Variants in SLC9A9 observed in about 807,000 individuals in gnomAD.
The protein encoded by SLC9A9 is sodium/hydrogen exchanger 9.
A neutral mutation model predicts 77.8 loss-of-function variants in SLC9A9; 62 were observed. The ratio of observed to expected loss-of-function variants is 0.80; its 90% CI spans 0.65 to 0.98. SLC9A9 has a LOEUF of 0.98. Ranked by LOEUF, SLC9A9 falls within the 50% of genes least tolerant of loss-of-function variation. The pLI is 0.00. For synonymous variants in SLC9A9, 320 were observed against 283.5 expected (o/e 1.13, Z -1.29); for missense variants, 775 against 774.9 (o/e 1.00, Z 0.00).
At chr3:143,771,226 T>C (rs907283231) in intron 4 of SLC9A9, among the ~76,000 whole-genome samples, 19 of 152,184 alleles carry the variant, frequency 1.2e-4, no homozygotes, top group African/African-American at 2.9e-4. Flanking sequence ...TGGGCCTGAA[T>C]TGTAGGCTGA....
chr3:143,632,098 C>G lies in SLC9A9; in HGVS notation c.755+20157G>C, dbSNP rs116118887. The stretch of plus-strand genomic sequence containing the variant: ...GTGACTGGATTACAGACCTTTAACT[C>G]CTTGTCTCACTTTGAGAGTCAATGG... On this transcript the variant is annotated intron_variant, in intron 6 of 15. Transcript: ENST00000316549. Among the ~76,000 whole-genome samples, 1,160 of 152,254 alleles carry G rather than the reference C, an allele frequency of 7.6e-3. 17 individuals are homozygous for G. Among genetic ancestry groups the G allele is most frequent in the African/African-American group, 0.025 (1,053 of 41,538 alleles).
At chr3:143,375,577 A>T (rs971976194) in intron 13 of SLC9A9, among the ~76,000 whole-genome samples, 6 of 152,146 alleles carry the variant, frequency 3.9e-5, no homozygotes, top group Non-Finnish European at 7.4e-5. Flanking sequence ...GTGCACAGCT[A>T]AGGCACTTAA....
chr3:143,734,817 G>A (rs1255362629), intron 4 of SLC9A9, among the ~76,000 whole-genome samples: 1 of 151,902 alleles, frequency 6.6e-6, no homozygotes. Context: ...TGACAGAGCT[G>A]GGAGGTGAAC....
intron 9 of SLC9A9, among the ~76,000 whole-genome samples, chr3:143,528,406 A>T (rs1268461130): frequency 2.6e-5 from 4 of 152,176 alleles, no homozygotes; most frequent in Non-Finnish European, 5.9e-5. Flanking sequence ...GAGTTTGGAA[A>T]TTTTTTCCTT....
intron 5 of SLC9A9, among the ~76,000 whole-genome samples, chr3:143,661,193 C>CCAAA (rs2038973566): frequency 6.6e-6 from 1 of 152,198 alleles, no homozygotes; most frequent in Non-Finnish European, 1.5e-5. Flanking sequence ...AGTCATAAAG[C>CCAAA]AGCTCTCACC....
intron 13 of SLC9A9, among the ~76,000 whole-genome samples, chr3:143,378,993 G>T (rs2108496237): frequency 1.3e-5 from 2 of 151,610 alleles, no homozygotes; most frequent in Non-Finnish European, 2.9e-5. Flanking sequence ...CCACAGCAGA[G>T]AACAAAGAAG....
intron 9 of SLC9A9, among the ~76,000 whole-genome samples, chr3:143,537,862 C>T (rs1287268118): frequency 6.6e-6 from 1 of 152,184 alleles, no homozygotes; most frequent in African/African-American, 2.4e-5. Flanking sequence ...AGGATGCTGG[C>T]CCTCAGGCTA....
chr3:143,267,696 T>G (rs1356219986), intron 15 of SLC9A9, among the ~76,000 whole-genome samples: 1 of 152,206 alleles, frequency 6.6e-6, no homozygotes, highest in Non-Finnish European at 1.5e-5. Context: ...TCAGCATATT[T>G]CTTGGGAAGA....
In SLC9A9 at chr3:143,441,357, G is replaced by A. The variant is rs1340633410; in HGVS notation, c.1469+25680C>T. On this transcript the variant is annotated intron_variant, in intron 12 of 15. Transcript: ENST00000316549. ...GGAGCTATGCCAGGGAGGGTGGGAA[G>A]TGTACTTATGAATAACGTGGGATCC... Among the ~76,000 whole-genome samples the A allele has an allele frequency of 2.6e-5, 4 of 152,180 alleles. No individual in the cohort carries two copies. In the East Asian group the frequency reaches 7.7e-4, roughly 29 times the overall value.
intron 14 of SLC9A9, among the ~76,000 whole-genome samples, chr3:143,348,825 G>C (rs1434533483): frequency 1.3e-5 from 2 of 152,176 alleles, no homozygotes; most frequent in Non-Finnish European, 2.9e-5. Flanking sequence ...GGGTACGGGG[G>C]AGTTGCTGTT....
intron 6 of SLC9A9, among the ~76,000 whole-genome samples, chr3:143,640,723 T>C (rs572813611): frequency 2.0e-4 from 30 of 152,118 alleles, no homozygotes; most frequent in African/African-American, 7.0e-4. Flanking sequence ...TAGCCTGGTG[T>C]GGTCTGTGGT....
At chr3:143,721,007 G>A (rs1030530922) in intron 4 of SLC9A9, among the ~76,000 whole-genome samples, 3 of 152,132 alleles carry the variant, frequency 2.0e-5, no homozygotes, top group Admixed American at 6.5e-5. Context: ...CCTAGAGTTC[G>A]AGACCAGCCT....
intron 5 of SLC9A9, among the ~76,000 whole-genome samples, chr3:143,691,036 A>G (rs577464375): frequency 1.3e-5 from 2 of 152,284 alleles, no homozygotes; most frequent in South Asian, 4.1e-4. Flanking sequence ...TTTAATGTGC[A>G]TATGAATCTC....
rs921189805 is a variant in SLC9A9 at position 143,685,072 on chromosome 3, A to G, written c.649+8120T>C. On this transcript the variant is annotated intron_variant, in intron 5 of 15. Coordinates refer to ENST00000316549, the MANE Select transcript of SLC9A9 (RefSeq NM_173653.4). ...TATATCTTTATAGCAGTGCTGTCCA[A>G]TAAAAATTTAACTCAAGCCACATAT... 7.2e-5 allele frequency among the ~76,000 whole-genome samples: 11 copies of G among 152,206 alleles called. No homozygotes were observed. The East Asian group carries it at 1.2e-3, about 16-fold the overall frequency.
intron 6 of SLC9A9, among the ~76,000 whole-genome samples, chr3:143,594,889 G>A (rs1353587384): frequency 1.3e-5 from 2 of 152,220 alleles, no homozygotes; most frequent in Non-Finnish European, 2.9e-5. Context: ...AAGGTGGAAT[G>A]TTTGGCTTGT....
intron 9 of SLC9A9, among the ~76,000 whole-genome samples, chr3:143,538,925 G>A (rs1329449615): frequency 6.6e-6 from 1 of 152,178 alleles, no homozygotes; most frequent in Non-Finnish European, 1.5e-5. Flanking sequence ...CCTAACAGAA[G>A]CATTCCTTTA....
At chr3:143,821,170 C>T (rs1326039181) in intron 2 of SLC9A9, among the ~76,000 whole-genome samples, 1 of 152,208 alleles carries the variant, frequency 6.6e-6, no homozygotes, top group Non-Finnish European at 1.5e-5. Context: ...TTAAGCACCA[C>T]TTTAAATGGT....
At chr3:143,580,922 A>G (rs1372573347) in intron 6 of SLC9A9, among the ~76,000 whole-genome samples, 1 of 152,232 alleles carries the variant, frequency 6.6e-6, no homozygotes, top group Non-Finnish European at 1.5e-5. Context: ...AGGTATAGGA[A>G]GTGGGAGGCA....
chr3:143,352,635 A>C (rs1386175733), intron 14 of SLC9A9, among the ~76,000 whole-genome samples: 1 of 152,192 alleles, frequency 6.6e-6, no homozygotes, highest in Admixed American at 6.5e-5. Flanking sequence ...CAATTACACC[A>C]CTGGATAATT....
Sources: allele counts gnomAD v4.1 joint callset (sites outside exome capture counted in the v4.1 genomes callset), GRCh38; gene constraint gnomAD v4.1.1; transcripts MANE v1.5; gene names NCBI Gene and HGNC (gene_info 2026-07-23, HGNC 2026-07-21).